The following CCDC125 variants were observed in gnomAD, a reference collection of about 807,000 sequenced individuals.
CCDC125 encodes coiled-coil domain containing 125.
CCDC125 carries 43 observed loss-of-function variants against 57.4 expected under a neutral mutation model. The observed-to-expected ratio is 0.75, with a 90% CI of 0.59 to 0.97. CCDC125 has a LOEUF of 0.97. Ranked by LOEUF, CCDC125 falls within the 50% of genes least tolerant of loss-of-function variation. The probability of loss-of-function intolerance (pLI) is 0.00; values close to 1 mark genes in which losing one functional copy is unlikely to be tolerated. For missense variants in CCDC125, 563 were observed against 595.7 expected (o/e 0.95, Z 0.57); for synonymous variants, 187 against 195.2 (o/e 0.96, Z 0.35).
intron 10 of CCDC125, among the ~76,000 whole-genome samples, chr5:69,287,971 C>T (rs1454544285): frequency 6.6e-6 from 1 of 152,112 alleles, no homozygotes; most frequent in Non-Finnish European, 1.5e-5. Flanking sequence ...TTGTGGGAAT[C>T]TTCCTTAGAT....
At chr5:69,277,881 C>T (rs73127331), downstream of CCDC125, among the ~76,000 whole-genome samples, 17,455 of 152,188 alleles carry the variant, frequency 0.11, 1,218 homozygotes, top group South Asian at 0.19. Context: ...TTGAGATTCC[C>T]CCCAACCTTT....
chr5:69,314,934 T>G (rs988040642), intron 2 of CCDC125, among the ~76,000 whole-genome samples: 1 of 152,158 alleles, frequency 6.6e-6, no homozygotes, highest in African/African-American at 2.4e-5. Context: ...TGGCTTAAGC[T>G]TGAATGATGT....
chr5:69,312,425 G>C (rs961634011), intron 3 of CCDC125, among the ~76,000 whole-genome samples: 34 of 152,248 alleles, frequency 2.2e-4, no homozygotes, highest in African/African-American at 7.7e-4. Context: ...AGCTTTCACG[G>C]GAAGAGTCCC....
downstream of CCDC125, among the ~76,000 whole-genome samples, chr5:69,279,482 C>T (rs567617504): frequency 7.9e-5 from 12 of 152,294 alleles, no homozygotes; most frequent in South Asian, 2.1e-4. Flanking sequence ...AGGCGTGAGC[C>T]ACCGTGCCCG....
downstream of CCDC125, among the ~76,000 whole-genome samples, chr5:69,276,075 G>A (rs541989459): frequency 2.6e-5 from 4 of 152,212 alleles, no homozygotes; most frequent in African/African-American, 9.6e-5. Context: ...TGTCGCCCAG[G>A]CTGGAGTGCA....
At chr5:69,311,507 C>T (rs1183191590) in intron 3 of CCDC125, among the ~76,000 whole-genome samples, 3 of 152,046 alleles carry the variant, frequency 2.0e-5, no homozygotes, top group African/African-American at 7.2e-5. Context: ...AAAAAAATTG[C>T]TGGGCGTGGT....
chr5:69,299,909 G>T (rs1756093585), intron 8 of CCDC125, 103 bp downstream of exon 8: 3 of 922,516 alleles, frequency 3.3e-6, no homozygotes, highest in Non-Finnish European at 5.2e-6. Context: ...TCCTCAAATT[G>T]CTAAGTATGT....
chr5:69,327,296 G>A (rs1481662210), intron 1 of CCDC125, among the ~76,000 whole-genome samples: 2 of 151,886 alleles, frequency 1.3e-5, no homozygotes, highest in African/African-American at 2.4e-5. Flanking sequence ...GGGTTTCACC[G>A]CGTTAGCCAG....
At chr5:69,284,173 G>A (rs1752932449) in intron 11 of CCDC125, among the ~76,000 whole-genome samples, 1 of 151,412 alleles carries the variant, frequency 6.6e-6, no homozygotes, top group Non-Finnish European at 1.5e-5. Context: ...TGGAAATGAA[G>A]GGAAAATATA....
chr5:69,276,876 C>T (rs538573446), downstream of CCDC125, among the ~76,000 whole-genome samples: 2 of 152,334 alleles, frequency 1.3e-5, no homozygotes, highest in Admixed American at 6.5e-5. Context: ...GTGAATACTT[C>T]GGCAGCTTTT....
intron 8 of CCDC125, among the ~76,000 whole-genome samples, chr5:69,297,097 G>A (rs1397749581): frequency 1.3e-5 from 2 of 152,074 alleles, no homozygotes; most frequent in African/African-American, 4.8e-5. Flanking sequence ...ACGGAGTCTC[G>A]CTCTGTCACA....
intron 7 of CCDC125, among the ~76,000 whole-genome samples, chr5:69,301,050 C>T (rs1023959872): frequency 6.8e-6 from 1 of 146,420 alleles, no homozygotes; most frequent in Non-Finnish European, 1.5e-5. Context: ...GGTGAGATTG[C>T]GCCATTGCAC....
intron 2 of CCDC125, among the ~76,000 whole-genome samples, chr5:69,315,450 C>CAAAAAAAAAAAAAA (rs1359288696): frequency 2.1e-4 from 1 of 4,864 alleles, no homozygotes; most frequent in Non-Finnish European, 5.9e-4. Flanking sequence ...AAAAAAAAAA[C>CAAAAAAAAAAAAAA]AAAAAAAAAA....
chr5:69,290,286 A>T (rs1385052562), intron 10 of CCDC125, among the ~76,000 whole-genome samples: 2 of 150,900 alleles, frequency 1.3e-5, no homozygotes, highest in Non-Finnish European at 2.9e-5. Context: ...TCATTTTATT[A>T]TTATTATTAT....
chr5:69,274,989 G>T, the CCDC125 span, among the ~76,000 whole-genome samples: 5 of 151,722 alleles, frequency 3.3e-5, no homozygotes, highest in African/African-American at 9.7e-5. Flanking sequence ...ATGTGAACCC[G>T]GGAGGTGGAG....
intron 6 of CCDC125, among the ~76,000 whole-genome samples, chr5:69,306,020 A>C (rs1561449471): frequency 6.6e-6 from 1 of 152,196 alleles, no homozygotes; most frequent in Non-Finnish European, 1.5e-5. Context: ...AGTTGTTCCA[A>C]AGATATTTTT....
rs1010445203 is a variant in CCDC125, at chr5:69,310,022, T to C, written c.453+1096A>G. The C allele has an allele frequency of 7.2e-5, 11 of 152,262 alleles. No homozygotes were observed. In the East Asian group the frequency reaches 1.5e-3, roughly 21 times the overall value. 9.4% of individuals were successfully genotyped at this position (152,262 alleles called of 1,614,324 possible). ...CATTTGGAATGGCTATATACCTACATCCCCATTGTATGTAGGAAGTAACTA... is the reference window on the plus strand; with the variant it reads ...CATTTGGAATGGCTATATACCTACACCCCCATTGTATGTAGGAAGTAACTA... On this transcript the variant is annotated intron_variant, in intron 4 of 11. Coordinates refer to ENST00000396496, the MANE Select transcript of CCDC125 (RefSeq NM_176816.5).
At chr5:69,273,431 T>C in the CCDC125 span, among the ~76,000 whole-genome samples, 1 of 152,232 alleles carries the variant, frequency 6.6e-6, no homozygotes, top group Non-Finnish European at 1.5e-5. Context: ...GAAAGTAGTT[T>C]GTTCGGCTTA....
rs982626411 is a variant in CCDC125, at chr5:69,318,779, T to G, written c.304+1458A>C. ...ATAATAAATAAATAAAAATAAAAAATAAAAAGAAAAGTAAAAAGAAAAAAA... is the reference window on the plus strand; with the variant it reads ...ATAATAAATAAATAAAAATAAAAAAGAAAAAGAAAAGTAAAAAGAAAAAAA... On this transcript the variant is annotated intron_variant, in intron 2 of 11. Coordinates refer to ENST00000396496, the MANE Select transcript of CCDC125 (RefSeq NM_176816.5). Among the ~76,000 whole-genome samples the G allele has an allele frequency of 5.3e-5, 8 of 151,048 alleles. No individual in the cohort carries two copies. The South Asian group carries it at 1.5e-3, about 28-fold the overall frequency.
Sources: allele counts gnomAD v4.1 joint callset (sites outside exome capture counted in the v4.1 genomes callset), GRCh38; gene constraint gnomAD v4.1.1; transcripts MANE v1.5; gene names NCBI Gene and HGNC (gene_info 2026-07-23, HGNC 2026-07-21).